ADORA1: variants seen among roughly 807,000 people sequenced by gnomAD.
ADORA1 encodes adenosine A1 receptor.
Under a neutral mutation model 19.9 loss-of-function variants are expected in ADORA1, and 6 were observed. That is an observed-to-expected ratio of 0.30 (90% confidence interval 0.17 to 0.59). The LOEUF is 0.59. Ranked by LOEUF, ADORA1 falls within the 20% of genes least tolerant of loss-of-function variation. ADORA1 has a pLI of 0.87. For missense variants in ADORA1, 302 were observed against 439.2 expected (o/e 0.69, Z 2.79); for synonymous variants, 194 against 188.4 (o/e 1.03, Z -0.24).
At position 203,129,182 on chromosome 1, in the gene ADORA1, G is replaced by A. The variant is rs1285886390; in HGVS notation, c.341G>A (p.Arg114Gln). The A allele has an allele frequency of 7.5e-6, 12 of 1,608,482 alleles. No homozygotes were observed. Among genetic ancestry groups the A allele is most frequent in the Non-Finnish European group, 1.0e-5 (12 of 1,176,840 alleles). The change falls in exon 3 of 4, where the codon CGG (arginine) becomes CAG (glutamine). Residue 114 changes from arginine to glutamine, a missense_variant and splice_region_variant. By Grantham distance (43) the Arg-to-Gln change is conservative. Coordinates refer to ENST00000337894, the MANE Select transcript of ADORA1 (RefSeq NM_000674.3). The part of the protein sequence containing the change: ...DRYLRVKIPL[R>Q]YKMVVTPRRA... Reference sequence around the variant, plus strand: ...TACCTCCGGGTCAAGATCCCTCTCCGGTGAGTCCACAGCGCCGAAGGTACT... The same window carrying A: ...TACCTCCGGGTCAAGATCCCTCTCCAGTGAGTCCACAGCGCCGAAGGTACT...
intron 3 of ADORA1, among the ~76,000 whole-genome samples, chr1:203,142,169 G>A (rs1654716265): frequency 6.6e-6 from 1 of 152,198 alleles, no homozygotes; most frequent in Non-Finnish European, 1.5e-5. Flanking sequence ...CACATAGTAG[G>A]CACTCCATAA....
intron 3 of ADORA1, among the ~76,000 whole-genome samples, chr1:203,148,170 G>A (rs1654921908): frequency 6.6e-6 from 1 of 152,214 alleles, no homozygotes. Context: ...TGTGAGCTGA[G>A]ATCCCGCACC....
intron 3 of ADORA1, among the ~76,000 whole-genome samples, chr1:203,156,714 A>G (rs1655209061): frequency 6.6e-6 from 1 of 152,188 alleles, no homozygotes; most frequent in Non-Finnish European, 1.5e-5. Context: ...AGACTAGGTA[A>G]TTCATAATGA....
At chr1:203,161,093 T>C (rs972851986) in intron 3 of ADORA1, among the ~76,000 whole-genome samples, 5 of 152,218 alleles carry the variant, frequency 3.3e-5, no homozygotes, top group Non-Finnish European at 7.3e-5. Context: ...GCAGCTATGA[T>C]ATGAAATCCT....
At chr1:203,154,866 T>C (rs1655145914) in intron 3 of ADORA1, among the ~76,000 whole-genome samples, 1 of 152,128 alleles carries the variant, frequency 6.6e-6, no homozygotes, top group Admixed American at 6.5e-5. Flanking sequence ...CTTTGCACCT[T>C]TCTCAGTTTG....
At chr1:203,159,170 A>T (rs1413019397) in intron 3 of ADORA1, among the ~76,000 whole-genome samples, 1 of 151,872 alleles carries the variant, frequency 6.6e-6, no homozygotes, top group African/African-American at 2.4e-5. Flanking sequence ...ACAGCATCCC[A>T]CCCTCATCTG....
Position 203,165,584 on chromosome 1 carries a change from C to T in ADORA1, c.665C>T (p.Pro222Leu), listed in dbSNP as rs747849534. ...AAGGTGTCGGCCTCCTCCGGCGACC[C>T]GCAGAAGTACTATGGGAAGGAGCTG... ...NKKVSASSGD[P>L]QKYYGKELKI... is the part of the protein sequence containing the mutation. Residue 222 changes from proline to leucine, a missense_variant, in exon 4 of 4, where the codon CCG becomes CTG. Transcript: ENST00000337894. This position sits in a 1 kb window ranked among gnomAD's most constrained non-coding sequence, Gnocchi z 5.9. 3.7e-6 allele frequency: 6 copies of T among 1,613,828 alleles called. No individual in the cohort carries two copies. The highest frequency in any genetic ancestry group is 2.2e-5 in the East Asian group (1 of 44,884).
chr1:203,134,496 G>T (rs1654441799), intron 3 of ADORA1, among the ~76,000 whole-genome samples: 1 of 152,198 alleles, frequency 6.6e-6, no homozygotes, highest in Admixed American at 6.5e-5. Context: ...CTCCTTTCAA[G>T]TGTGAAAGCT....
chr1:203,156,436 C>A (rs913039543), intron 3 of ADORA1, among the ~76,000 whole-genome samples: 1 of 152,112 alleles, frequency 6.6e-6, no homozygotes, highest in Admixed American at 6.5e-5. Flanking sequence ...AAGTGCAAAG[C>A]CCCTGAGGTA....
Position 203,143,144 on chromosome 1 carries a change from CAAAG to C in ADORA1, c.341+13971_341+13974del, listed in dbSNP as rs1654747836. ...AGAATACTACAGACTGAGTGGTTTA[CAAAG>C]AAAGAAAGTTTATTTGGCTCATGGT... On this transcript the variant is annotated intron_variant, in intron 3 of 3. Transcript: ENST00000337894. Among the ~76,000 whole-genome samples, 5 of 152,184 alleles carry C rather than the reference CAAAG, an allele frequency of 3.3e-5. No individual in the cohort carries two copies. The South Asian group carries it at 1.0e-3, about 32-fold the overall frequency.
chr1:203,151,499 T>G (rs900915937), intron 3 of ADORA1, among the ~76,000 whole-genome samples: 1 of 152,228 alleles, frequency 6.6e-6, no homozygotes, highest in Non-Finnish European at 1.5e-5. Context: ...CCTTGCAACC[T>G]GTTTTGTATC....
Position 203,165,833 on chromosome 1 carries a change from AC to A in ADORA1, c.916del (p.His306IlefsTer50). ...GTCACCTTCCTTAAGATTTGGAATG[AC>A]CATTTCCGCTGCCAGCCTGCACCTC... ...FRVTFLKIWN[D>X]HFRCQPAPPI... On this transcript the variant is annotated frameshift_variant, in exon 4 of 4. Transcript: ENST00000337894. LOFTEE classifies it high-confidence loss of function. The surrounding 1 kb of genome is among the most constrained non-coding windows in gnomAD (Gnocchi z 5.9). 2 of 1,605,018 alleles carry A rather than the reference AC, an allele frequency of 1.2e-6. No individual in the cohort carries two copies. The highest frequency in any genetic ancestry group is 1.7e-6 in the Non-Finnish European group (2 of 1,174,920).
rs1655508385 is a variant in ADORA1, at chr1:203,165,351, T to G, written c.432T>G (p.Phe144Leu). 6.3e-7 allele frequency: 1 copy of G among 1,583,952 alleles called. No homozygotes were observed. Among genetic ancestry groups the G allele is most frequent in the African/African-American group, 1.3e-5 (1 of 74,262 alleles). Residue 144 changes from phenylalanine (F) to leucine (L), a missense_variant, in exon 4 of 4, where the codon TTT becomes TTG. Physicochemically the swap from Phe to Leu is conservative, Grantham distance 22. Coordinates refer to ENST00000337894, the MANE Select transcript of ADORA1 (RefSeq NM_000674.3). This position sits in a 1 kb window ranked among gnomAD's most constrained non-coding sequence, Gnocchi z 5.9. Reference protein sequence around the residue: ...LSFVVGLTPMFGWNNLSAVER... With the variant: ...LSFVVGLTPMLGWNNLSAVER... ...TCGTGGTGGGACTGACCCCTATGTT[T>G]GGCTGGAACAATCTGAGTGCGGTGG...
chr1:203,133,344 A>T lies in ADORA1; in HGVS notation c.341+4162A>T, dbSNP rs141877540. Among the ~76,000 whole-genome samples, 463 of 152,138 alleles carry T rather than the reference A, an allele frequency of 3.0e-3. 1 individual carries two copies. Among genetic ancestry groups the T allele is most frequent in the Non-Finnish European group, 4.1e-3 (280 of 68,002 alleles). ...TGGCCAGGCTGGTCTCGAATTTTTG[A>T]CCTCAGGTGAGCCACCCGCCTTGGC... On this transcript the variant is annotated intron_variant, in intron 3 of 3. Transcript: ENST00000337894.
intron 3 of ADORA1, among the ~76,000 whole-genome samples, chr1:203,146,681 GA>G (rs1317497435): frequency 1.3e-5 from 2 of 151,714 alleles, no homozygotes; most frequent in Non-Finnish European, 2.9e-5. Flanking sequence ...AGATAACAGA[GA>G]AATCAGCACT....
At chr1:203,150,860 G>A in intron 3 of ADORA1, 1 of 1,249,558 alleles carries the variant, frequency 8.0e-7, no homozygotes, top group Non-Finnish European at 1.0e-6. Flanking sequence ...GCTAGGTGCT[G>A]TGAGCTTTAG....
intron 3 of ADORA1, among the ~76,000 whole-genome samples, chr1:203,141,653 T>C (rs1654697333): frequency 7.2e-6 from 1 of 139,460 alleles, no homozygotes. Flanking sequence ...CGATCTTGGC[T>C]CACTGCAACC....
chr1:203,143,555 GTGTT>G (rs933482384), intron 3 of ADORA1, among the ~76,000 whole-genome samples: 14 of 152,042 alleles, frequency 9.2e-5, no homozygotes, highest in East Asian at 5.8e-4. Context: ...GTGTGTGTGT[GTGTT>G]TGTGTGTGCA....
chr1:203,145,728 G>A (rs1654838272), intron 3 of ADORA1, among the ~76,000 whole-genome samples: 1 of 152,258 alleles, frequency 6.6e-6, no homozygotes, highest in Non-Finnish European at 1.5e-5. Flanking sequence ...GAACCAATGT[G>A]TAGCCACCAT....
Sources: gnomAD v4.1 joint callset for allele counts (sites outside exome capture counted in the v4.1 genomes callset) on GRCh38, gnomAD v4.1.1 for gene constraint, Gnocchi (gnomAD v3.1) non-coding constraint, MANE v1.5 for transcripts, NCBI Gene and HGNC (gene_info 2026-07-23, HGNC 2026-07-21) for gene names.